Variants in TLE2 observed in about 807,000 individuals in gnomAD.
TLE2 encodes transducin-like enhancer protein 2.
Under a neutral mutation model 97.2 loss-of-function variants are expected in TLE2, and 74 were observed. The observed-to-expected ratio is 0.76, with a 90% CI of 0.63 to 0.92. The LOEUF is 0.92. TLE2 is among the 40% of genes least tolerant of loss of function. TLE2 has a pLI of 0.00. For missense variants in TLE2, 1,038 were observed against 1,008.7 expected (o/e 1.03, Z -0.39); for synonymous variants, 499 against 432.1 (o/e 1.15, Z -1.92).
At position 2,998,709 on chromosome 19, in the gene TLE2, G is replaced by A. The variant is rs571988587; in HGVS notation, c.2125-754C>T. On this transcript the variant is annotated intron_variant, in intron 19 of 19. Coordinates refer to ENST00000262953, the MANE Select transcript of TLE2 (RefSeq NM_003260.5). Reference sequence around the variant, plus strand: ...ATTACAAGCGTGAGCCACCGCGCCCGGCAGAGCGACTTGTTTTCTACAGAC... The same window carrying A: ...ATTACAAGCGTGAGCCACCGCGCCCAGCAGAGCGACTTGTTTTCTACAGAC... Among the ~76,000 whole-genome samples the A allele has an allele frequency of 7.5e-4, 114 of 152,280 alleles. 2 individuals carry two copies. The highest frequency in any genetic ancestry group is 6.1e-3 in the Admixed American group (93 of 15,284).
chr19:3,002,473 C>T lies in TLE2; in HGVS notation c.1927G>A (p.Asp643Asn). The T allele has an allele frequency of 6.3e-7, 1 of 1,595,900 alleles. No individual in the cohort carries two copies. Among genetic ancestry groups the T allele is most frequent in the South Asian group, 1.1e-5 (1 of 88,928 alleles). ...IFSLGHCPNQ[D>N]WLAVGMESSN... is the part of the protein sequence containing the mutation. ...CTCTCCATTCCGACCGCCAGCCAGT[C>T]CTGGTTAGGGCAGTGGCCCAGGGAG... The change falls in exon 18 of 20, where the codon GAC (aspartate) becomes AAC (asparagine). Residue 643 changes from aspartate to asparagine, a missense_variant. Coordinates refer to ENST00000262953, the MANE Select transcript of TLE2 (RefSeq NM_003260.5).
intron 13 of TLE2, 78 bp from the exon 14 acceptor site, chr19:3,009,023 T>TA: frequency 8.4e-7 from 1 of 1,185,234 alleles, no homozygotes; most frequent in Non-Finnish European, 1.2e-6. Context: ...CCACCTGCCA[T>TA]ACCCCTCTCT....
At chr19:3,021,558 TATAAA>T (rs1340183652) in intron 5 of TLE2, among the ~76,000 whole-genome samples, 1 of 152,204 alleles carries the variant, frequency 6.6e-6, no homozygotes, top group African/African-American at 2.4e-5. Context: ...CAAGTTTAAA[TATAAA>T]ATAAATTTAA....
intron 5 of TLE2, among the ~76,000 whole-genome samples, chr19:3,023,887 A>G (rs2145196238): frequency 7.5e-6 from 1 of 133,866 alleles, no homozygotes; most frequent in Admixed American, 7.5e-5. Flanking sequence ...GCAAGAATCC[A>G]TCACACACAC....
intron 1 of TLE2, among the ~76,000 whole-genome samples, chr19:3,036,519 A>G (rs10412216): frequency 0.5 from 75,894 of 151,914 alleles, 19,599 homozygotes; most frequent in African/African-American, 0.63. Flanking sequence ...CTCCAGCCGA[A>G]CTGCCGGGCC....
At chr19:3,042,895 C>G (rs1388036893) in intron 1 of TLE2, among the ~76,000 whole-genome samples, 1 of 152,022 alleles carries the variant, frequency 6.6e-6, no homozygotes, top group Non-Finnish European at 1.5e-5. Context: ...CAGACATTAC[C>G]CAGGAGAGAA....
chr19:3,006,078 G>T lies in TLE2; in HGVS notation c.1501-110C>A, dbSNP rs756705307. The T allele has an allele frequency of 9.0e-6, 12 of 1,333,022 alleles. No homozygotes were observed. The Admixed American group carries it at 1.0e-4, about 11-fold the overall frequency. 82.6% of individuals were successfully genotyped at this position (1,333,022 alleles called of 1,614,324 possible). On this transcript the variant is annotated intron_variant, in intron 15 of 19. Transcript: ENST00000262953. ...GCCCAATGTAGCCTCATCCTGATTAGCCTGCAAGCCCTACCCTGATTGGCT... is the reference window on the plus strand; with the variant it reads ...GCCCAATGTAGCCTCATCCTGATTATCCTGCAAGCCCTACCCTGATTGGCT...
upstream of TLE2, among the ~76,000 whole-genome samples, chr19:3,046,459 G>T (rs933725975): frequency 7.9e-5 from 12 of 152,258 alleles, no homozygotes; most frequent in African/African-American, 2.4e-4. Flanking sequence ...GGGGAAGGGG[G>T]ATTCTGTAAG....
upstream of TLE2, among the ~76,000 whole-genome samples, chr19:3,029,981 G>C (rs1309943748): frequency 1.3e-5 from 2 of 152,040 alleles, no homozygotes; most frequent in Non-Finnish European, 2.9e-5. Context: ...ATTTTTTGCA[G>C]AGATGGAGTA....
At position 3,005,734 on chromosome 19, in the gene TLE2, G is replaced by A. The variant is rs1198926960; in HGVS notation, c.1735C>T (p.Gln579Ter). ...GNIVVWDLQN[Q>*]TMVRQFQGHT... is the part of the protein sequence containing the mutation. ...CCTGCCACCCACCTGACCATAGTCTGATTCTGCAGGTCCCAGACCACAATG... is the reference window on the plus strand; with the variant it reads ...CCTGCCACCCACCTGACCATAGTCTAATTCTGCAGGTCCCAGACCACAATG... Residue 579 changes from glutamine to a stop codon, truncating the protein, a stop_gained, in exon 16 of 20, where the codon CAG becomes TAG. Transcript: ENST00000262953. LOFTEE classifies it high-confidence loss of function. The A allele has an allele frequency of 6.2e-7, 1 of 1,613,626 alleles. No individual in the cohort carries two copies. Among genetic ancestry groups the A allele is most frequent in the East Asian group, 2.2e-5 (1 of 44,886 alleles).
intron 4 of TLE2, chr19:3,025,525 G>T: frequency 1.0e-6 from 1 of 995,120 alleles, no homozygotes; most frequent in Middle Eastern, 5.1e-4. Context: ...CCCCTTTCTT[G>T]GTCTCCTCCG....
At chr19:3,028,589 C>T in intron 2 of TLE2, 117 bp downstream of exon 2, 2 of 1,280,942 alleles carry the variant, frequency 1.6e-6, no homozygotes, top group Admixed American at 3.8e-5. Flanking sequence ...ACCTGGAGGC[C>T]TTTGTCGCGC....
chr19:3,041,922 C>CG lies in TLE2; in HGVS notation c.63+3803dup, dbSNP rs1056459853. ...GCTGGGAGCTCTGTGGCTGCCTTTG[C>CG]GGGGGGCCCCGAGTCCCAGGGTTGG... is the stretch of plus-strand genomic sequence containing the variant. On this transcript the variant is annotated intron_variant, in intron 1 of 18. Transcript: ENST00000426948. Among the ~76,000 whole-genome samples the CG allele has an allele frequency of 6.4e-5, 5 of 77,922 alleles. No individual in the cohort carries two copies. The East Asian group carries it at 7.0e-4, about 11-fold the overall frequency. 51.1% of individuals were successfully genotyped at this position (77,922 alleles called of 152,430 possible). A position where few individuals can be genotyped will look rare whatever the true frequency, so the allele number is the denominator to read the frequency against.
intron 1 of TLE2, among the ~76,000 whole-genome samples, chr19:3,042,259 T>G (rs1478835241): frequency 3.9e-4 from 18 of 46,054 alleles, no homozygotes; most frequent in East Asian, 1.6e-3. Context: ...GGCCCCCGGG[T>G]GGAGGGGACC....
rs953894347 is a variant in TLE2 at position 3,029,116 on chromosome 19, C to CGCGGGGCGA, written c.-221_-213dup. 1.0e-5 allele frequency: 12 copies of CGCGGGGCGA among 1,159,474 alleles called. No individual in the cohort carries two copies. Among genetic ancestry groups the CGCGGGGCGA allele is most frequent in the Non-Finnish European group, 1.3e-5 (12 of 941,356 alleles). The allele number at this position is 1,159,474 out of a possible 1,614,324, so 71.8% of individuals were successfully genotyped here. A position where few individuals can be genotyped will look rare whatever the true frequency, so the allele number is the denominator to read the frequency against. On this transcript the variant is annotated 5_prime_UTR_variant, in exon 1 of 20. Coordinates refer to ENST00000262953, the MANE Select transcript of TLE2 (RefSeq NM_003260.5). Reference sequence around the variant, plus strand: ...GGGAGCCCCTCCCCGGGTTGGGGTGCGCGGGGCGAGCGGGGCGGGCAGGGG... The same window carrying CGCGGGGCGA: ...GGGAGCCCCTCCCCGGGTTGGGGTGCGCGGGGCGAGCGGGGCGAGCGGGGCGGGCAGGGG...
In TLE2 at chr19:3,039,279, C is replaced by T. The variant is rs184039665; in HGVS notation, c.63+6447G>A. On this transcript the variant is annotated intron_variant, in intron 1 of 18. Transcript: ENST00000426948. ...AGTCCATCCCTCCCTTGCTCAAGAACCTTCCATAGCTCCCTATTGCCCTCA... is the reference window on the plus strand; with the variant it reads ...AGTCCATCCCTCCCTTGCTCAAGAATCTTCCATAGCTCCCTATTGCCCTCA... 1.9e-4 allele frequency among the ~76,000 whole-genome samples: 29 copies of T among 151,166 alleles called. No homozygotes were observed. In the East Asian group the frequency reaches 4.3e-3, roughly 22 times the overall value.
At chr19:3,020,950 G>T (rs561154111) in intron 5 of TLE2, among the ~76,000 whole-genome samples, 1 of 151,716 alleles carries the variant, frequency 6.6e-6, no homozygotes, top group Non-Finnish European at 1.5e-5. Context: ...TTAGCCAGAC[G>T]TGGCGGCGGG....
Position 3,025,371 on chromosome 19 carries a change from G to C in TLE2, c.232-289C>G, listed in dbSNP as rs953240288. 3.3e-6 allele frequency: 4 copies of C among 1,211,790 alleles called. No homozygotes were observed. In the East Asian group the frequency reaches 1.1e-4, roughly 34 times the overall value. The allele number at this position is 1,211,790 out of a possible 1,614,324, so 75.1% of individuals were successfully genotyped here. A position where few individuals can be genotyped will look rare whatever the true frequency, so the allele number is the denominator to read the frequency against. Reference sequence around the variant, plus strand: ...ACCCGCCAGACGCACACCCGCCAGGGATTTGCAGGAGGCAGACGCTCAGAC... The same window carrying C: ...ACCCGCCAGACGCACACCCGCCAGGCATTTGCAGGAGGCAGACGCTCAGAC... On this transcript the variant is annotated intron_variant, in intron 4 of 19. Transcript: ENST00000262953.
At chr19:3,024,963 C>G (rs1354045743) in intron 5 of TLE2, 57 bp downstream of exon 5, 17 of 1,474,466 alleles carry the variant, frequency 1.2e-5, no homozygotes, top group African/African-American at 1.4e-5. Flanking sequence ...AGACCTACCC[C>G]CTCCCGTCTT....
Sources: gnomAD v4.1 joint callset for allele counts (sites outside exome capture counted in the v4.1 genomes callset) on GRCh38, gnomAD v4.1.1 for gene constraint, MANE v1.5 for transcripts, NCBI Gene and HGNC (gene_info 2026-07-23, HGNC 2026-07-21) for gene names.